DPP10: variants seen among roughly 807,000 people sequenced by gnomAD.
The protein encoded by DPP10 is dipeptidyl peptidase like 10.
DPP10 carries 33 observed loss-of-function variants against 120.9 expected under a neutral mutation model. That is an observed-to-expected ratio of 0.27 (90% CI 0.21 to 0.37). The LOEUF (loss-of-function observed/expected upper bound fraction) is 0.37, where lower values mean the gene tolerates loss of function less well. Among genes scored for constraint, DPP10 ranks in the 10% least tolerant of loss-of-function variants. DPP10 has a pLI of 1.00. For missense variants in DPP10, 816 were observed against 942.8 expected (o/e 0.87, Z 1.76); for synonymous variants, 337 against 326.1 (o/e 1.03, Z -0.36).
At chr2:114,683,982 G>A (rs1443289166) in intron 1 of DPP10, among the ~76,000 whole-genome samples, 1 of 151,922 alleles carries the variant, frequency 6.6e-6, no homozygotes. Flanking sequence ...ATTGTATTAT[G>A]GGGTAAAGGG....
chr2:115,212,692 G>A (rs931294245), intron 1 of DPP10, among the ~76,000 whole-genome samples: 2 of 152,080 alleles, frequency 1.3e-5, no homozygotes, highest in African/African-American at 4.8e-5. Context: ...AGTTATTTAT[G>A]TGTATTTGCA....
intron 11 of DPP10, among the ~76,000 whole-genome samples, chr2:115,759,718 A>AAG (rs1679870777): frequency 1.2e-4 from 1 of 8,618 alleles, no homozygotes; most frequent in Non-Finnish European, 8.1e-3. Flanking sequence ...CATATATAAA[A>AAG]ACACATTATA....
At chr2:115,677,352 GAAGA>G (rs1485059877) in intron 5 of DPP10, among the ~76,000 whole-genome samples, 1 of 152,016 alleles carries the variant, frequency 6.6e-6, no homozygotes, top group Non-Finnish European at 1.5e-5. Flanking sequence ...AATAAGAGAG[GAAGA>G]AAGAAACAAA....
chr2:114,714,877 CAAAG>C (rs912700601), intron 1 of DPP10, among the ~76,000 whole-genome samples: 2 of 151,704 alleles, frequency 1.3e-5, no homozygotes, highest in South Asian at 2.1e-4. Context: ...GACAAATAAA[CAAAG>C]AAAGAAACAA....
chr2:114,684,120 G>A (rs1030167325), intron 1 of DPP10, among the ~76,000 whole-genome samples: 101 of 152,016 alleles, frequency 6.6e-4, no homozygotes, highest in African/African-American at 2.3e-3. Context: ...TTCCAGATAG[G>A]GAAGATTCTT....
intron 1 of DPP10, among the ~76,000 whole-genome samples, chr2:114,766,199 A>T (rs1291622031): frequency 2.0e-5 from 3 of 152,082 alleles, no homozygotes; most frequent in African/African-American, 7.2e-5. Context: ...ACCTAAATGG[A>T]ACTCTCAGAA....
intron 1 of DPP10, among the ~76,000 whole-genome samples, chr2:115,104,955 A>G (rs891446709): frequency 1.3e-5 from 2 of 152,034 alleles, no homozygotes; most frequent in African/African-American, 4.8e-5. Context: ...GCAGTGAGCC[A>G]AGATGGTGCC....
chr2:115,379,309 A>G (rs535025516), intron 3 of DPP10, among the ~76,000 whole-genome samples: 33 of 151,932 alleles, frequency 2.2e-4, no homozygotes, highest in South Asian at 4.2e-4. Flanking sequence ...GAATTTATCT[A>G]TTTCTTCTAG....
intron 1 of DPP10, among the ~76,000 whole-genome samples, chr2:114,615,052 G>A (rs974937486): frequency 7.2e-5 from 11 of 152,150 alleles, no homozygotes; most frequent in Admixed American, 3.3e-4. Flanking sequence ...TTATTAGTGA[G>A]TCCATGGAAT....
At chr2:115,110,340 G>T (rs1573649548) in intron 1 of DPP10, among the ~76,000 whole-genome samples, 2 of 152,202 alleles carry the variant, frequency 1.3e-5, no homozygotes, top group East Asian at 1.9e-4. Context: ...TTTCTTATCT[G>T]TCAAAAGGAC....
chr2:115,737,511 T>C (rs1041897551), intron 8 of DPP10, among the ~76,000 whole-genome samples: 16 of 152,226 alleles, frequency 1.1e-4, no homozygotes, highest in African/African-American at 3.6e-4. Flanking sequence ...TGTCCTATGA[T>C]TGTCATATGG....
Position 115,791,064 on chromosome 2 carries a change from C to T in DPP10, c.1532-17C>T. The T allele has an allele frequency of 6.3e-7, 1 of 1,589,688 alleles. No individual in the cohort carries two copies. The highest frequency in any genetic ancestry group is 8.6e-7 in the Non-Finnish European group (1 of 1,161,818). On this transcript the variant is annotated splice_polypyrimidine_tract_variant and intron_variant, in intron 17 of 25. Transcript: ENST00000410059. ...GCATAGGGGTTAGCTATTTACACTA[C>T]CCTTTTTGGTTTACAGAATATTTTA...
At chr2:115,115,681 C>T (rs989193452) in intron 1 of DPP10, among the ~76,000 whole-genome samples, 9 of 152,150 alleles carry the variant, frequency 5.9e-5, no homozygotes, top group Non-Finnish European at 1.2e-4. Context: ...ATCTCTGAAA[C>T]GTACCGCATG....
chr2:114,470,839 T>C (rs1017354981), intron 1 of DPP10, among the ~76,000 whole-genome samples: 1 of 152,258 alleles, frequency 6.6e-6, no homozygotes, highest in Non-Finnish European at 1.5e-5. Flanking sequence ...CAGTCCATAC[T>C]GCCTTGTTTG....
chr2:114,614,836 C>A (rs1219470371), intron 1 of DPP10, among the ~76,000 whole-genome samples: 1 of 152,148 alleles, frequency 6.6e-6, no homozygotes, highest in African/African-American at 2.4e-5. Flanking sequence ...TTAATGATAG[C>A]AAAAGCCTTT....
chr2:115,092,206 C>G (rs1028215368), intron 1 of DPP10, among the ~76,000 whole-genome samples: 3 of 152,188 alleles, frequency 2.0e-5, no homozygotes, highest in African/African-American at 7.2e-5. Context: ...TGACTATATT[C>G]TTGAACACTA....
chr2:115,812,796 A>G (rs530728068), intron 19 of DPP10, among the ~76,000 whole-genome samples: 7 of 152,156 alleles, frequency 4.6e-5, no homozygotes, highest in African/African-American at 1.7e-4. Flanking sequence ...TTCTTTATTT[A>G]TAATACATCT....
intron 3 of DPP10, among the ~76,000 whole-genome samples, chr2:115,378,041 T>C (rs940891646): frequency 2.0e-5 from 3 of 152,016 alleles, no homozygotes; most frequent in African/African-American, 7.2e-5. Context: ...TGCGGGCTGT[T>C]TTTTGGTTCC....
At chr2:115,367,258 G>A (rs141505893) in intron 3 of DPP10, among the ~76,000 whole-genome samples, 3 of 152,044 alleles carry the variant, frequency 2.0e-5, no homozygotes, top group East Asian at 1.9e-4. Context: ...TTGTGTGTGC[G>A]TGTGTGTGTT....
Sources: gnomAD v4.1 joint callset for allele counts (sites outside exome capture counted in the v4.1 genomes callset) on GRCh38, gnomAD v4.1.1 for gene constraint, MANE v1.5 for transcripts, NCBI Gene and HGNC (gene_info 2026-07-23, HGNC 2026-07-21) for gene names.